The following DNAH8 variants were observed in gnomAD, a reference collection of about 807,000 sequenced individuals.
DNAH8 encodes the protein dynein axonemal heavy chain 8.
Under a neutral mutation model 562.1 loss-of-function variants are expected in DNAH8, and 382 were observed. The observed-to-expected ratio is 0.68, with a 90% CI of 0.63 to 0.74. The LOEUF (loss-of-function observed/expected upper bound fraction) is 0.74. DNAH8 is among the 30% of genes least tolerant of loss of function. The pLI, the probability that DNAH8 is intolerant of heterozygous loss-of-function variation, is 0.00. For missense variants in DNAH8, 5,203 were observed against 5,620.4 expected, an observed-to-expected ratio of 0.93 and a Z score of 2.37; for synonymous variants, 1,881 against 1,919.4, an observed-to-expected ratio of 0.98 and a Z score of 0.52.
At chr6:38,770,289 T>TAAAA in intron 11 of DNAH8, 124 bp from the exon 12 acceptor site, 1 of 481,502 alleles carries the variant, frequency 2.1e-6, no homozygotes, top group East Asian at 3.6e-5. Context: ...ATGGTATAAA[T>TAAAA]AAAAAAAAAC....
At chr6:38,794,933 A>G (rs1770087197) in intron 21 of DNAH8, among the ~76,000 whole-genome samples, 1 of 152,154 alleles carries the variant, frequency 6.6e-6, no homozygotes, top group African/African-American at 2.4e-5. Context: ...TTGTTGAGTC[A>G]TAGATTATGA....
chr6:38,993,097 A>T (rs921890327), intron 88 of DNAH8, among the ~76,000 whole-genome samples: 8 of 152,196 alleles, frequency 5.3e-5, no homozygotes, highest in Non-Finnish European at 1.0e-4. Context: ...AGTTAATACA[A>T]ATAACTCCAA....
rs201654193 is a variant in DNAH8, at chr6:38,807,674, G to T, written c.3215G>T (p.Arg1072Leu). The change falls in exon 24 of 93, where the codon CGG becomes CTG. Residue 1072 changes from arginine (R) to leucine (L), a missense_variant. This residue lies in a region of DNAH8 where 2,176 missense variants were observed against 2,365.1 expected (regional missense o/e 0.92). Transcript: ENST00000327475. ...QLLDSLQKATRLSLDTMKRRI... is the reference protein window; with the variant it reads ...QLLDSLQKATLLSLDTMKRRI... ...CTAGACAGTCTTCAAAAAGCTACAC[G>T]GTTATCTCTGGACACAATGAAAAGA... 7 of 1,563,948 alleles carry T rather than the reference G, an allele frequency of 4.5e-6. No individual in the cohort carries two copies. Among genetic ancestry groups the T allele is most frequent in the Non-Finnish European group, 6.0e-6 (7 of 1,158,712 alleles).
chr6:38,979,946 A>T (rs973887578), intron 85 of DNAH8, among the ~76,000 whole-genome samples: 4 of 152,222 alleles, frequency 2.6e-5, no homozygotes, highest in African/African-American at 9.6e-5. Flanking sequence ...AGTCATTAGC[A>T]TTCTTCTCTT....
At chr6:38,970,496 C>G (rs950358333) in intron 82 of DNAH8, among the ~76,000 whole-genome samples, 3 of 152,186 alleles carry the variant, frequency 2.0e-5, no homozygotes, top group Non-Finnish European at 4.4e-5. Context: ...CTCCTTCAGG[C>G]TCTCATTGCA....
chr6:38,926,152 A>T lies in DNAH8; in HGVS notation c.11060A>T (p.Asp3687Val), dbSNP rs1397441519. 6.2e-7 allele frequency: 1 copy of T among 1,613,724 alleles called. No homozygotes were observed. The highest frequency in any genetic ancestry group is 2.2e-5 in the East Asian group (1 of 44,872). Reference sequence around the variant, plus strand: ...GCCACCAGATACCCACTCCTCATAGACCCACAAACTCAAGGCAAAACTTGG... The same window carrying T: ...GCCACCAGATACCCACTCCTCATAGTCCCACAAACTCAAGGCAAAACTTGG... The part of the protein sequence containing the change: ...TKATRYPLLI[D>V]PQTQGKTWIK... Residue 3687 changes from aspartate to valine, a missense_variant, in exon 74 of 93, where the codon GAC (aspartate) becomes GTC (valine). Asp to Val is a radical substitution (Grantham distance 152, BLOSUM62 -3). This residue lies in a region of DNAH8 where 1,399 missense variants were observed against 1,518.4 expected (regional missense o/e 0.92). Transcript: ENST00000327475.
chr6:38,820,218 G>A (rs1400064571), intron 26 of DNAH8, among the ~76,000 whole-genome samples: 2 of 152,184 alleles, frequency 1.3e-5, no homozygotes, highest in East Asian at 3.8e-4. Context: ...CCGTCTTTTA[G>A]TGATCCAAAG....
At chr6:38,996,938 GA>G (rs200317721) in intron 88 of DNAH8, among the ~76,000 whole-genome samples, 1,824 of 152,226 alleles carry the variant, frequency 0.012, 31 homozygotes, top group East Asian at 0.06. Flanking sequence ...CCACACTAGT[GA>G]GGTCAGGTAG....
At chr6:38,947,635 C>T (rs965843970) in intron 80 of DNAH8, among the ~76,000 whole-genome samples, 8 of 152,216 alleles carry the variant, frequency 5.3e-5, no homozygotes, top group South Asian at 4.1e-4. Flanking sequence ...AGGTAGGGCT[C>T]GCAACACCCA....
chr6:38,841,226 C>T (rs1774754862), intron 33 of DNAH8, among the ~76,000 whole-genome samples: 1 of 151,940 alleles, frequency 6.6e-6, no homozygotes, highest in South Asian at 2.1e-4. Flanking sequence ...CAAGACCAGC[C>T]TAGCTAACAT....
At chr6:38,846,612 A>G (rs1337096732) in intron 36 of DNAH8, among the ~76,000 whole-genome samples, 2 of 152,190 alleles carry the variant, frequency 1.3e-5, no homozygotes, top group South Asian at 2.1e-4. Flanking sequence ...ATAAAGGTCA[A>G]GGTCCTCGGA....
intron 37 of DNAH8, 93 bp downstream of exon 37, chr6:38,848,894 G>T: frequency 1.6e-6 from 2 of 1,266,324 alleles, no homozygotes; most frequent in Non-Finnish European, 2.2e-6. Flanking sequence ...TATGGTCAAG[G>T]CTTGACTATG....
chr6:38,820,810 C>A (rs143807257), intron 26 of DNAH8, among the ~76,000 whole-genome samples: 1 of 152,254 alleles, frequency 6.6e-6, no homozygotes, highest in East Asian at 1.9e-4. Flanking sequence ...AAATCCAATA[C>A]CCTTTCATGA....
At chr6:38,720,024 C>T (rs1762623058) in intron 1 of DNAH8, among the ~76,000 whole-genome samples, 1 of 152,074 alleles carries the variant, frequency 6.6e-6, no homozygotes, top group African/African-American at 2.4e-5. Context: ...GTGAAAAAAC[C>T]TCTAAGCAGA....
rs777592801 is a variant in DNAH8, at chr6:38,886,799, T to A, written c.8268T>A (p.Asn2756Lys). 1 of 1,592,998 alleles carries A rather than the reference T, an allele frequency of 6.3e-7. No homozygotes were observed. Among genetic ancestry groups the A allele is most frequent in the Non-Finnish European group, 8.6e-7 (1 of 1,161,192 alleles). Residue 2756 changes from asparagine to lysine, a missense_variant, in exon 57 of 93, where the codon AAT becomes AAA. Asn to Lys is a moderately conservative substitution (Grantham distance 94, BLOSUM62 0). This residue lies in a region of DNAH8 where 977 missense variants were observed against 1,061.8 expected (regional missense o/e 0.92). Transcript: ENST00000327475. ...GCTGTGTGAAATTTCAGATAACTAA[T>A]GAGATTGTGCGACAGATGATGGAAA... The part of the protein sequence containing the change: ...VINEWGDQIT[N>K]EIVRQMMEME...
chr6:38,863,546 A>T (rs1196069730), intron 44 of DNAH8, among the ~76,000 whole-genome samples: 5 of 152,122 alleles, frequency 3.3e-5, no homozygotes, highest in African/African-American at 1.2e-4. Flanking sequence ...ATCCCCAAAC[A>T]ACTTCGACCT....
chr6:38,778,305 T>C (rs1301114300), intron 13 of DNAH8, 83 bp from the exon 14 acceptor site: 4 of 705,700 alleles, frequency 5.7e-6, no homozygotes, highest in Non-Finnish European at 9.6e-6. Flanking sequence ...ATCTTAATTC[T>C]GTAGGAAAAG....
At chr6:38,961,819 G>A (rs894153485) in intron 82 of DNAH8, among the ~76,000 whole-genome samples, 3 of 151,970 alleles carry the variant, frequency 2.0e-5, no homozygotes, top group African/African-American at 4.8e-5. Context: ...GCATTGTGTT[G>A]TAGAAGATAT....
At chr6:38,740,610 G>GT (rs948334797) in intron 7 of DNAH8, among the ~76,000 whole-genome samples, 43 of 150,400 alleles carry the variant, frequency 2.9e-4, no homozygotes, top group African/African-American at 9.0e-4. Context: ...TAGTCTTTTT[G>GT]TTTTTTTTTC....
Sources: allele counts gnomAD v4.1 joint callset (sites outside exome capture counted in the v4.1 genomes callset), GRCh38; gene constraint gnomAD v4.1.1; regional missense constraint gnomAD v4.1.1; transcripts MANE v1.5; gene names NCBI Gene and HGNC (gene_info 2026-07-23, HGNC 2026-07-21).